EXD1: variants seen among roughly 807,000 people sequenced by gnomAD.
EXD1 encodes the protein exonuclease 3'-5' domain containing 1.
Under a neutral mutation model 49.1 loss-of-function variants are expected in EXD1, and 63 were observed. That is an observed-to-expected ratio of 1.28 (90% CI 1.05 to 1.58). The LOEUF (loss-of-function observed/expected upper bound fraction) is 1.58, where lower values mean the gene tolerates loss of function less well. Among genes scored for constraint, EXD1 ranks in the 40% most tolerant of loss-of-function variants. EXD1 has a pLI of 0.00. For synonymous variants in EXD1, 234 were observed against 239.2 expected, an observed-to-expected ratio of 0.98 and a Z score of 0.20; for missense variants, 748 against 666.0, an observed-to-expected ratio of 1.12 and a Z score of -1.36.
At chr15:41,184,977 A>G (rs929512358) in intron 11 of EXD1, among the ~76,000 whole-genome samples, 3 of 152,186 alleles carry the variant, frequency 2.0e-5, no homozygotes, top group African/African-American at 7.2e-5. Context: ...CTGTTGTACC[A>G]AATGGTAATT....
chr15:41,183,835 CT>C lies in EXD1; in HGVS notation c.*95del. ...ATTTTCCCCTGTGACTGAAGCATTA[CT>C]ACATTTACAACATGAGAAACCTGGG... On this transcript the variant is annotated 3_prime_UTR_variant, in exon 12 of 12. Transcript: ENST00000458580. 1 of 1,240,346 alleles carries C rather than the reference CT, an allele frequency of 8.1e-7. No homozygotes were observed. The highest frequency in any genetic ancestry group is 1.1e-6 in the Non-Finnish European group (1 of 894,106). 76.8% of individuals were successfully genotyped at this position (1,240,346 alleles called of 1,614,324 possible). A position where few individuals can be genotyped will look rare whatever the true frequency, so the allele number is the denominator to read the frequency against.
intron 5 of EXD1, 79 bp from the exon 6 acceptor site, chr15:41,215,912 C>G: frequency 1.4e-6 from 2 of 1,413,878 alleles, no homozygotes; most frequent in Non-Finnish European, 2.0e-6. Flanking sequence ...TGGCCACACT[C>G]ATATATTCCT....
At chr15:41,207,740 G>A (rs958950143) in intron 7 of EXD1, among the ~76,000 whole-genome samples, 18 of 152,008 alleles carry the variant, frequency 1.2e-4, no homozygotes, top group Non-Finnish European at 2.4e-4. Context: ...TTGCAGAAAG[G>A]ACAGCTGTAG....
In EXD1 at chr15:41,191,639, C is replaced by T. The variant is rs940248686; in HGVS notation, c.721-54G>A. On this transcript the variant is annotated intron_variant, in intron 9 of 11. Transcript: ENST00000458580. ...CAGTTGAATATATACAGAGAGCTAT[C>T]TCATGCCAGAAATATATTTAGAGAA... 20 of 1,498,340 alleles carry T rather than the reference C, an allele frequency of 1.3e-5. No individual in the cohort carries two copies. In the African/African-American group the frequency reaches 2.8e-4, roughly 21 times the overall value. 92.8% of individuals were successfully genotyped at this position (1,498,340 alleles called of 1,614,324 possible).
Position 41,217,117 on chromosome 15 carries a change from T to C in EXD1, c.240A>G (p.Arg80=). The change falls in exon 4 of 12, where the codon AGA becomes AGG. Residue 80 remains arginine (R), a synonymous_variant. Coordinates refer to ENST00000458580, the MANE Select transcript of EXD1 (RefSeq NM_001286441.2). ...CTTACCTAACAGAAGATGCTTTTGC[T>C]CTCACTGAGCCTTGTTCCACTTCAT... The part of the protein sequence containing the change: ...LLDEVEQGSV[R]AKASSVSLHA... 6.2e-7 allele frequency: 1 copy of C among 1,612,496 alleles called. No individual in the cohort carries two copies. Among genetic ancestry groups the C allele is most frequent in the Non-Finnish European group, 8.5e-7 (1 of 1,179,870 alleles).
In EXD1 at chr15:41,195,953, C is replaced by G; in HGVS notation, c.619G>C (p.Glu207Gln). 2.5e-6 allele frequency: 4 copies of G among 1,611,944 alleles called. No homozygotes were observed. The highest frequency in any genetic ancestry group is 1.7e-5 in the Admixed American group (1 of 59,114). ...AFHNGLQMIL[E>Q]DKRILKVIHD... is the part of the protein sequence containing the mutation. ...CTTACCTTCAAAATTCTCTTGTCTT[C>G]TAGTATCATCTGAAGTCCATTGTGG... The change falls in exon 8 of 12, where the codon GAA becomes CAA. Residue 207 changes from glutamate to glutamine, a missense_variant. Coordinates refer to ENST00000458580, the MANE Select transcript of EXD1 (RefSeq NM_001286441.2).
At position 41,230,646 on chromosome 15, in the gene EXD1, C is replaced by T; in HGVS notation, c.-221G>A. 1 of 1,286,092 alleles carries T rather than the reference C, an allele frequency of 7.8e-7. No individual in the cohort carries two copies. The highest frequency in any genetic ancestry group is 1.3e-5 in the South Asian group (1 of 76,282). 79.7% of individuals were successfully genotyped at this position (1,286,092 alleles called of 1,614,324 possible). A position where few individuals can be genotyped will look rare whatever the true frequency, so the allele number is the denominator to read the frequency against. On this transcript the variant is annotated 5_prime_UTR_variant, in exon 1 of 12. Coordinates refer to ENST00000458580, the MANE Select transcript of EXD1 (RefSeq NM_001286441.2). ...GAAGAAGTCTCGGGACGCTCCACGC[C>T]ACCCGGCGGCGGTTATCAAATCACA...
chr15:41,202,199 G>C (rs1314977584), intron 7 of EXD1, among the ~76,000 whole-genome samples: 1 of 151,186 alleles, frequency 6.6e-6, no homozygotes, highest in Non-Finnish European at 1.5e-5. Flanking sequence ...TTTTGAGACA[G>C]AGTCTCACTC....
intron 7 of EXD1, among the ~76,000 whole-genome samples, chr15:41,200,840 G>A (rs1595438114): frequency 6.6e-6 from 1 of 152,104 alleles, no homozygotes; most frequent in South Asian, 2.1e-4. Context: ...TCATGTGTGA[G>A]GAAACAACCC....
chr15:41,214,253 G>T (rs1193905489), intron 6 of EXD1, among the ~76,000 whole-genome samples: 2 of 152,132 alleles, frequency 1.3e-5, no homozygotes, highest in Non-Finnish European at 2.9e-5. Flanking sequence ...GCTTACACCT[G>T]TAATCCCAGC....
At chr15:41,208,804 G>A (rs1365247233) in intron 7 of EXD1, among the ~76,000 whole-genome samples, 1 of 152,012 alleles carries the variant, frequency 6.6e-6, no homozygotes, top group East Asian at 1.9e-4. Flanking sequence ...ATATCTCCCA[G>A]GTCCAGGGAA....
intron 1 of EXD1, among the ~76,000 whole-genome samples, chr15:41,230,158 A>G (rs1427857021): frequency 7.1e-6 from 1 of 141,632 alleles, no homozygotes; most frequent in Non-Finnish European, 1.5e-5. Context: ...ATCTCGGCTC[A>G]CTGCAACCTC....
intron 11 of EXD1, among the ~76,000 whole-genome samples, chr15:41,186,903 T>C (rs1001270367): frequency 4.6e-5 from 7 of 150,838 alleles, no homozygotes; most frequent in African/African-American, 1.7e-4. Context: ...TCTTTTTTTT[T>C]TTTTTGAGAT....
chr15:41,226,355 T>A, intron 2 of EXD1, 88 bp downstream of exon 2: 1 of 1,267,766 alleles, frequency 7.9e-7, no homozygotes, highest in Non-Finnish European at 1.1e-6. Flanking sequence ...ATAGGAATAA[T>A]GCCACCCTCC....
chr15:41,183,880 T>C lies in EXD1; in HGVS notation c.*51A>G, dbSNP rs1475061074. On this transcript the variant is annotated 3_prime_UTR_variant, in exon 12 of 12. Coordinates refer to ENST00000458580, the MANE Select transcript of EXD1 (RefSeq NM_001286441.2). ...ACCTGGGCACTGTGGAAAGCCCTGA[T>C]GGCAAAGGAAATAAGCCATCTGTAT... 2.0e-6 allele frequency: 3 copies of C among 1,514,846 alleles called. No individual in the cohort carries two copies. The highest frequency in any genetic ancestry group is 2.3e-5 in the East Asian group (1 of 44,118). 93.8% of individuals were successfully genotyped at this position (1,514,846 alleles called of 1,614,324 possible).
intron 6 of EXD1, among the ~76,000 whole-genome samples, chr15:41,212,454 C>CAA (rs143179994): frequency 1.2e-3 from 173 of 150,370 alleles, no homozygotes; most frequent in African/African-American, 4.0e-3. Context: ...GACTCCGTCT[C>CAA]AAAAAAAAAG....
intron 2 of EXD1, among the ~76,000 whole-genome samples, chr15:41,222,073 C>G (rs1413270526): frequency 6.6e-6 from 1 of 151,802 alleles, no homozygotes; most frequent in African/African-American, 2.4e-5. Flanking sequence ...ACACTCCAGA[C>G]TGGGCGACAG....
intron 7 of EXD1, among the ~76,000 whole-genome samples, chr15:41,196,869 G>A (rs1446265418): frequency 2.0e-5 from 3 of 151,942 alleles, no homozygotes; most frequent in East Asian, 1.9e-4. Flanking sequence ...TCTGTCACCC[G>A]GGCTGGACAA....
At chr15:41,191,045 A>G (rs2046506489) in intron 10 of EXD1, among the ~76,000 whole-genome samples, 1 of 152,092 alleles carries the variant, frequency 6.6e-6, no homozygotes, top group Non-Finnish European at 1.5e-5. Flanking sequence ...CTCCTGCCTC[A>G]GCCTCCCGAG....
Sources: allele counts gnomAD v4.1 joint callset (sites outside exome capture counted in the v4.1 genomes callset), GRCh38; gene constraint gnomAD v4.1.1; transcripts MANE v1.5; gene names NCBI Gene and HGNC (gene_info 2026-07-23, HGNC 2026-07-21).